ELOVL2: variants seen among roughly 807,000 people sequenced by gnomAD.
The protein encoded by ELOVL2 is ELOVL fatty acid elongase 2, also known as very long chain fatty acid elongase 2.
Under a neutral mutation model 37.7 loss-of-function variants are expected in ELOVL2, and 38 were observed. The observed-to-expected ratio is 1.01, with a 90% CI of 0.78 to 1.32. The LOEUF (loss-of-function observed/expected upper bound fraction) is 1.32, where lower values mean the gene tolerates loss of function less well. Among genes scored for constraint, ELOVL2 ranks in the 40% most tolerant of loss-of-function variants. The probability of loss-of-function intolerance (pLI) is 0.00; values close to 1 mark genes in which losing one functional copy is unlikely to be tolerated. For synonymous variants in ELOVL2, 115 were observed against 122.3 expected, an observed-to-expected ratio of 0.94 and a Z score of 0.40; for missense variants, 352 against 363.6, an observed-to-expected ratio of 0.97 and a Z score of 0.26.
At chr6:11,036,137 G>A (rs116593475) in intron 1 of ELOVL2, among the ~76,000 whole-genome samples, 2,338 of 152,292 alleles carry the variant, frequency 0.015, 66 homozygotes, top group African/African-American at 0.052. Context: ...TTAGTGTTAC[G>A]AAAGGTATTA....
At chr6:11,039,345 T>C (rs1783063967) in intron 1 of ELOVL2, among the ~76,000 whole-genome samples, 1 of 152,230 alleles carries the variant, frequency 6.6e-6, no homozygotes. Context: ...GTGCCCTGTT[T>C]CTTAGAAAGC....
chr6:11,031,629 C>T (rs1326043175), intron 1 of ELOVL2, among the ~76,000 whole-genome samples: 1 of 152,100 alleles, frequency 6.6e-6, no homozygotes, highest in East Asian at 1.9e-4. Flanking sequence ...CAAATAACTT[C>T]TCCTCCTTTA....
chr6:11,034,346 A>G (rs1207737848), intron 1 of ELOVL2, among the ~76,000 whole-genome samples: 1 of 152,198 alleles, frequency 6.6e-6, no homozygotes, highest in Non-Finnish European at 1.5e-5. Context: ...CTCTCCTAGC[A>G]TAAATCCCAT....
chr6:11,005,334 A>G (rs1449957485), intron 3 of ELOVL2, 38 bp downstream of exon 3: 3 of 1,567,594 alleles, frequency 1.9e-6, no homozygotes, highest in East Asian at 2.3e-5. Context: ...AAAAACTGCT[A>G]GTTACTGGAC....
chr6:10,996,402 A>G (rs551842885), intron 4 of ELOVL2, among the ~76,000 whole-genome samples: 2 of 152,274 alleles, frequency 1.3e-5, no homozygotes, highest in Admixed American at 6.5e-5. Context: ...TGCAGTTTTG[A>G]AGACGTTTTT....
At chr6:10,994,900 G>T in intron 5 of ELOVL2, 107 bp downstream of exon 5, 3 of 890,416 alleles carry the variant, frequency 3.4e-6, no homozygotes, top group Non-Finnish European at 3.3e-6. Context: ...GGCGCTCTAG[G>T]CCTCCCTTCA....
At chr6:11,006,405 C>A (rs1782484311) in intron 2 of ELOVL2, among the ~76,000 whole-genome samples, 1 of 152,146 alleles carries the variant, frequency 6.6e-6, no homozygotes, top group Admixed American at 6.5e-5. Context: ...ATTGTAGACA[C>A]TAAATGATTT....
chr6:11,022,662 G>A (rs1022538858), intron 1 of ELOVL2, among the ~76,000 whole-genome samples: 3 of 152,180 alleles, frequency 2.0e-5, no homozygotes, highest in African/African-American at 7.2e-5. Context: ...TTGGTTATCA[G>A]ATATAACTTT....
intron 3 of ELOVL2, among the ~76,000 whole-genome samples, chr6:11,004,885 G>A (rs1782452186): frequency 6.6e-6 from 1 of 152,104 alleles, no homozygotes; most frequent in Non-Finnish European, 1.5e-5. Context: ...TAGGCCAGGC[G>A]CAGTGGCTCA....
chr6:10,990,000 TGAAATTA>T (rs1424950555), intron 6 of ELOVL2, among the ~76,000 whole-genome samples, 163 bp from the exon 7 acceptor site: 1 of 152,212 alleles, frequency 6.6e-6, no homozygotes, highest in African/African-American at 2.4e-5. Context: ...AAATCTTATT[TGAAATTA>T]GTATGTGAAA....
intron 7 of ELOVL2, among the ~76,000 whole-genome samples, chr6:10,985,214 T>C (rs911948928): frequency 9.9e-5 from 15 of 151,996 alleles, no homozygotes; most frequent in African/African-American, 3.6e-4. Context: ...ATGGGGTTGT[T>C]TTTTTCTTGT....
chr6:11,023,405 G>A (rs1475122728), intron 1 of ELOVL2, among the ~76,000 whole-genome samples: 1 of 152,042 alleles, frequency 6.6e-6, no homozygotes, highest in Non-Finnish European at 1.5e-5. Flanking sequence ...TGACTTCTTG[G>A]AAAAAATATG....
intron 1 of ELOVL2, among the ~76,000 whole-genome samples, chr6:11,026,774 A>C (rs1227220335): frequency 6.6e-6 from 1 of 152,224 alleles, no homozygotes; most frequent in Non-Finnish European, 1.5e-5. Context: ...CCGTCTGTGG[A>C]TCATAGCTTG....
At chr6:10,987,284 C>T (rs1782069134) in intron 7 of ELOVL2, among the ~76,000 whole-genome samples, 1 of 152,006 alleles carries the variant, frequency 6.6e-6, no homozygotes. Context: ...TTTTGTTGAT[C>T]CTTTCAAAAA....
chr6:11,009,738 G>C (rs1293101443), intron 2 of ELOVL2, among the ~76,000 whole-genome samples: 1 of 152,242 alleles, frequency 6.6e-6, no homozygotes, highest in Non-Finnish European at 1.5e-5. Context: ...GCTGGGGTTA[G>C]ACAGCCCAAG....
intron 5 of ELOVL2, among the ~76,000 whole-genome samples, chr6:10,992,895 G>A (rs1435481940): frequency 1.3e-5 from 2 of 151,718 alleles, no homozygotes; most frequent in African/African-American, 4.9e-5. Flanking sequence ...ATACAAAACA[G>A]AGAAATATGA....
At chr6:11,024,664 T>C (rs937608497) in intron 1 of ELOVL2, among the ~76,000 whole-genome samples, 1 of 152,216 alleles carries the variant, frequency 6.6e-6, no homozygotes, top group African/African-American at 2.4e-5. Flanking sequence ...TTGAAGCCAG[T>C]AGGCAGAGTG....
intron 1 of ELOVL2, among the ~76,000 whole-genome samples, chr6:11,023,692 T>A (rs1782800693): frequency 6.6e-6 from 1 of 152,228 alleles, no homozygotes. Flanking sequence ...CAGCACGCGC[T>A]GTTTTGTTTG....
intron 1 of ELOVL2, among the ~76,000 whole-genome samples, chr6:11,033,990 G>C (rs536748904): frequency 1.3e-5 from 2 of 152,298 alleles, no homozygotes; most frequent in South Asian, 2.1e-4. Context: ...CTATGTGTGA[G>C]TATACATATT....
Sources: allele counts gnomAD v4.1 joint callset (sites outside exome capture counted in the v4.1 genomes callset), GRCh38; gene constraint gnomAD v4.1.1; transcripts MANE v1.5; gene names NCBI Gene and HGNC (gene_info 2026-07-23, HGNC 2026-07-21).